NXN: variants seen among roughly 807,000 people sequenced by gnomAD.
NXN encodes nucleoredoxin.
In NXN, 16 loss-of-function variants were observed where a neutral mutation model predicts 48.6. That is an observed-to-expected ratio of 0.33 (90% confidence interval 0.22 to 0.50). NXN has a LOEUF of 0.50. Ranked by LOEUF, NXN falls within the 20% of genes least tolerant of loss-of-function variation. The pLI is 0.98. For synonymous variants in NXN, 281 were observed against 269.6 expected (o/e 1.04, Z -0.41); for missense variants, 492 against 605.5 (o/e 0.81, Z 1.97).
At chr17:845,501 C>A (rs2067850624) in intron 1 of NXN, among the ~76,000 whole-genome samples, 1 of 152,222 alleles carries the variant, frequency 6.6e-6, no homozygotes, top group African/African-American at 2.4e-5. Flanking sequence ...CATCATCACC[C>A]TTACAGGCTG....
rs1393124333 is a variant in NXN, at chr17:809,972, G to C, written c.821-4725C>G. ...ACGAGTCTGTGTGAGTGGCGTGTAC[G>C]TTACGAGTCTGTGAGTGGCGTGTAC... is the stretch of plus-strand genomic sequence containing the variant. On this transcript the variant is annotated intron_variant, in intron 5 of 7. Coordinates refer to ENST00000336868, the MANE Select transcript of NXN (RefSeq NM_022463.5). Among the ~76,000 whole-genome samples the C allele has an allele frequency of 1.2e-4, 13 of 106,896 alleles. 1 individual carries two copies. The highest frequency in any genetic ancestry group is 3.1e-4 in the East Asian group (1 of 3,260). 70.1% of individuals were successfully genotyped at this position (106,896 alleles called of 152,430 possible). A position where few individuals can be genotyped will look rare whatever the true frequency, so the allele number is the denominator to read the frequency against.
chr17:811,500 C>T (rs983193267), intron 5 of NXN, among the ~76,000 whole-genome samples: 4 of 146,862 alleles, frequency 2.7e-5, no homozygotes, highest in African/African-American at 1.0e-4. Context: ...CTGCGTAAAG[C>T]CCCGGGGTTG....
intron 1 of NXN, among the ~76,000 whole-genome samples, chr17:835,422 A>G (rs1436531863): frequency 6.6e-6 from 1 of 152,158 alleles, no homozygotes; most frequent in African/African-American, 2.4e-5. Flanking sequence ...GAAAAAAAAC[A>G]AAGAGGAGAC....
chr17:934,273 G>A (rs895245848), intron 1 of NXN, among the ~76,000 whole-genome samples: 8 of 151,322 alleles, frequency 5.3e-5, no homozygotes, highest in Admixed American at 2.0e-4. Flanking sequence ...GTGAAACCCT[G>A]TCTCTACTAA....
At chr17:808,561 CTGAGA>C (rs1457793016) in intron 5 of NXN, among the ~76,000 whole-genome samples, 3 of 152,032 alleles carry the variant, frequency 2.0e-5, no homozygotes, top group Non-Finnish European at 2.9e-5. Flanking sequence ...TCCCAAAGTG[CTGAGA>C]TAACAGGTGT....
chr17:841,687 T>G (rs35297688), intron 1 of NXN, among the ~76,000 whole-genome samples: 2 of 55,016 alleles, frequency 3.6e-5, no homozygotes, highest in Non-Finnish European at 7.4e-5. Flanking sequence ...ACCCTGACCA[T>G]GGCACATCTC....
chr17:891,481 A>T (rs1184319470), intron 1 of NXN, among the ~76,000 whole-genome samples: 1 of 152,158 alleles, frequency 6.6e-6, no homozygotes, highest in East Asian at 1.9e-4. Flanking sequence ...GGCATCACAA[A>T]AGCTAACCAG....
At chr17:843,159 C>T (rs1459034384) in intron 1 of NXN, among the ~76,000 whole-genome samples, 1 of 152,226 alleles carries the variant, frequency 6.6e-6, no homozygotes, top group Non-Finnish European at 1.5e-5. Context: ...GAGACAAACA[C>T]ACTGATGTTT....
rs2144654217 is a variant in NXN at position 825,944 on chromosome 17, A to G, written c.478+17T>C. On this transcript the variant is annotated intron_variant, in intron 2 of 7. Coordinates refer to ENST00000336868, the MANE Select transcript of NXN (RefSeq NM_022463.5). The surrounding 1 kb of genome is among the most constrained non-coding windows in gnomAD (Gnocchi z 4.1). The stretch of plus-strand genomic sequence containing the variant: ...GCTGGGTAATAAGAGGACCATATGC[A>G]CGGGCTGAGGTTTTACCTTCTGGGT... 1.3e-6 allele frequency: 2 copies of G among 1,541,290 alleles called. No homozygotes were observed. Among genetic ancestry groups the G allele is most frequent in the East Asian group, 2.2e-5 (1 of 44,522 alleles).
intron 1 of NXN, among the ~76,000 whole-genome samples, chr17:935,657 G>A (rs972541510): frequency 6.6e-5 from 10 of 152,168 alleles, no homozygotes; most frequent in Admixed American, 5.2e-4. Flanking sequence ...ACACGCCCAG[G>A]AATCACAGAA....
At chr17:896,951 T>C in intron 1 of NXN, 1 of 1,222,412 alleles carries the variant, frequency 8.2e-7, no homozygotes, top group Non-Finnish European at 1.0e-6. Flanking sequence ...AGTCCCCTCC[T>C]AGGCCTGTTG....
chr17:968,394 A>G (rs1005213163), intron 1 of NXN, among the ~76,000 whole-genome samples: 6 of 152,182 alleles, frequency 3.9e-5, no homozygotes, highest in Admixed American at 1.3e-4. Flanking sequence ...GATGATCTAG[A>G]ATTACACCCA....
intron 1 of NXN, among the ~76,000 whole-genome samples, chr17:965,135 G>A (rs984598482): frequency 6.6e-6 from 1 of 152,144 alleles, no homozygotes; most frequent in Non-Finnish European, 1.5e-5. Flanking sequence ...GGAAACAATT[G>A]TACCCACACT....
chr17:891,744 GCCCAT>G (rs2068419710), intron 1 of NXN, among the ~76,000 whole-genome samples: 1 of 33,648 alleles, frequency 3.0e-5, no homozygotes, highest in African/African-American at 1.2e-4. Flanking sequence ...ACCATGCACA[GCCCAT>G]CAGGGAACCT....
At chr17:861,241 T>C (rs1265819047) in intron 1 of NXN, among the ~76,000 whole-genome samples, 1 of 152,056 alleles carries the variant, frequency 6.6e-6, no homozygotes, top group Non-Finnish European at 1.5e-5. Flanking sequence ...TCAAGTGATT[T>C]GTGTGGCTCG....
intron 1 of NXN, among the ~76,000 whole-genome samples, chr17:845,749 T>G (rs920240437): frequency 6.6e-6 from 1 of 152,220 alleles, no homozygotes; most frequent in African/African-American, 2.4e-5. Flanking sequence ...CACACATTTG[T>G]CATGGTTCCT....
intron 1 of NXN, chr17:863,923 G>C: frequency 6.7e-7 from 1 of 1,492,488 alleles, no homozygotes; most frequent in South Asian, 1.2e-5. Context: ...GGCTCATACA[G>C]TGTGTTCCCC....
chr17:833,411 C>T (rs866925523), intron 1 of NXN, among the ~76,000 whole-genome samples: 26 of 152,150 alleles, frequency 1.7e-4, no homozygotes, highest in East Asian at 7.7e-4. Context: ...GAGTGACTTG[C>T]GGATTCACTT....
At chr17:892,583 T>C (rs542318245) in intron 1 of NXN, among the ~76,000 whole-genome samples, 1 of 147,116 alleles carries the variant, frequency 6.8e-6, no homozygotes. Context: ...AGTGTCTGCA[T>C]AGCAGGTCTC....
Sources: allele counts gnomAD v4.1 joint callset (sites outside exome capture counted in the v4.1 genomes callset), GRCh38; gene constraint gnomAD v4.1.1; non-coding constraint Gnocchi (gnomAD v3.1); transcripts MANE v1.5; gene names NCBI Gene and HGNC (gene_info 2026-07-23, HGNC 2026-07-21).